The following DTNA variants were observed in gnomAD, a reference collection of about 807,000 sequenced individuals.
DTNA encodes dystrobrevin alpha, also known as dystrophin-related protein 3.
In DTNA, 43 loss-of-function variants were observed where a neutral mutation model predicts 100.7. The ratio of observed to expected loss-of-function variants is 0.43; its 90% CI spans 0.33 to 0.55. DTNA has a LOEUF of 0.55. Among genes scored for constraint, DTNA ranks in the 20% least tolerant of loss-of-function variants. The pLI is 0.04. For synonymous variants in DTNA, 349 were observed against 347.9 expected (o/e 1.00, Z -0.04); for missense variants, 798 against 953.9 (o/e 0.84, Z 2.15).
chr18:34,826,764 AC>A (rs780542691), intron 9 of DTNA, among the ~76,000 whole-genome samples: 2 of 152,074 alleles, frequency 1.3e-5, no homozygotes, highest in African/African-American at 2.4e-5. Flanking sequence ...CCTATATTGA[AC>A]CTAAAAAAGG....
At chr18:34,775,377 T>C (rs950686639) in intron 3 of DTNA, among the ~76,000 whole-genome samples, 1 of 151,996 alleles carries the variant, frequency 6.6e-6, no homozygotes, top group Non-Finnish European at 1.5e-5. Context: ...TCCCAGCTAC[T>C]CAGGAGGCTG....
intron 2 of DTNA, among the ~76,000 whole-genome samples, chr18:34,759,548 T>C (rs962051691): frequency 3.3e-5 from 5 of 152,162 alleles, no homozygotes; most frequent in African/African-American, 1.2e-4. Context: ...TTTGAGAACA[T>C]TGAAGGCTGC....
At chr18:34,821,295 C>G (rs2095710327) in intron 9 of DTNA, among the ~76,000 whole-genome samples, 1 of 152,086 alleles carries the variant, frequency 6.6e-6, no homozygotes, top group Non-Finnish European at 1.5e-5. Context: ...AATATAAAAG[C>G]TGTTTGTTTT....
At chr18:34,780,266 C>T (rs996949617) in intron 3 of DTNA, among the ~76,000 whole-genome samples, 3 of 152,138 alleles carry the variant, frequency 2.0e-5, no homozygotes, top group Admixed American at 6.6e-5. Flanking sequence ...TAAGTGGCTT[C>T]CCTTGGGTAA....
chr18:34,868,817 A>G, intron 17 of DTNA: 2 of 944,896 alleles, frequency 2.1e-6, no homozygotes, highest in Non-Finnish European at 2.5e-6. Flanking sequence ...CTTGAATTGA[A>G]GTTATCCTAC....
chr18:34,785,911 G>A (rs2094493084), intron 3 of DTNA, among the ~76,000 whole-genome samples: 1 of 152,160 alleles, frequency 6.6e-6, no homozygotes, highest in Non-Finnish European at 1.5e-5. Context: ...TTGTATGAGA[G>A]AAGTTATAAG....
At chr18:34,779,643 T>C (rs2094225652) in intron 3 of DTNA, among the ~76,000 whole-genome samples, 1 of 152,190 alleles carries the variant, frequency 6.6e-6, no homozygotes, top group Non-Finnish European at 1.5e-5. Context: ...TAAAGGATTC[T>C]CCCTTTCTTC....
At chr18:34,882,011 C>T (rs2096878136) in intron 20 of DTNA, 58 bp from the exon 21 acceptor site, 2 of 1,612,520 alleles carry the variant, frequency 1.2e-6, no homozygotes, top group African/African-American at 1.3e-5. Context: ...CACATGAATC[C>T]CGCTTGTAAT....
At chr18:34,663,523 T>C (rs1265780010) in intron 1 of DTNA, among the ~76,000 whole-genome samples, 1 of 152,154 alleles carries the variant, frequency 6.6e-6, no homozygotes, top group Non-Finnish European at 1.5e-5. Context: ...TTGAAATATG[T>C]TGAGGTGCGG....
At chr18:34,494,981 C>A (rs2039028721) in intron 1 of DTNA, among the ~76,000 whole-genome samples, 1 of 151,760 alleles carries the variant, frequency 6.6e-6, no homozygotes, top group African/African-American at 2.4e-5. Context: ...TAGATTTATT[C>A]ACTGTCTTAA....
chr18:34,495,287 G>C (rs2039063957), intron 1 of DTNA, among the ~76,000 whole-genome samples: 1 of 152,010 alleles, frequency 6.6e-6, no homozygotes, highest in Admixed American at 6.6e-5. Flanking sequence ...GGCAAATAAC[G>C]TTTGAGTAGT....
In DTNA at chr18:34,887,971, T is replaced by C. The variant is rs2096937778; in HGVS notation, c.*237T>C. On this transcript the variant is annotated 3_prime_UTR_variant, in exon 23 of 23. Coordinates refer to ENST00000444659, the MANE Select transcript of DTNA (RefSeq NM_001386795.1). Reference sequence around the variant, plus strand: ...TGCAGCTAACTTTTTGTTCTCAGATTTGTAGTGCATAGGTGTGTGTTTCAA... The same window carrying C: ...TGCAGCTAACTTTTTGTTCTCAGATCTGTAGTGCATAGGTGTGTGTTTCAA... 2.0e-6 allele frequency: 2 copies of C among 985,812 alleles called. No homozygotes were observed. Among genetic ancestry groups the C allele is most frequent in the South Asian group, 9.4e-5 (2 of 21,290 alleles). The allele number at this position is 985,812 out of a possible 1,614,324, so 61.1% of individuals were successfully genotyped here.
At chr18:34,591,934 G>A (rs574712998) in intron 1 of DTNA, among the ~76,000 whole-genome samples, 1 of 152,206 alleles carries the variant, frequency 6.6e-6, no homozygotes, top group South Asian at 2.1e-4. Context: ...TTCTTAAGAT[G>A]GTATTGCCCT....
chr18:34,671,125 C>T (rs578163778), intron 1 of DTNA, among the ~76,000 whole-genome samples: 7 of 152,294 alleles, frequency 4.6e-5, no homozygotes, highest in African/African-American at 1.7e-4. Context: ...TCAGCAATGG[C>T]GGGCACCCCT....
intron 1 of DTNA, among the ~76,000 whole-genome samples, chr18:34,679,948 T>C (rs1210508384): frequency 6.6e-6 from 1 of 152,160 alleles, no homozygotes; most frequent in Non-Finnish European, 1.5e-5. Flanking sequence ...TTGTAAAATA[T>C]AAAATGTATT....
At chr18:34,757,526 C>A (rs2092862028) in intron 2 of DTNA, among the ~76,000 whole-genome samples, 1 of 152,100 alleles carries the variant, frequency 6.6e-6, no homozygotes, top group South Asian at 2.1e-4. Context: ...ACTGTAAGAA[C>A]TATAAAAGTA....
chr18:34,792,332 C>T (rs951359447), intron 3 of DTNA, among the ~76,000 whole-genome samples: 4 of 152,168 alleles, frequency 2.6e-5, no homozygotes, highest in Non-Finnish European at 4.4e-5. Context: ...GGCTAGTTGG[C>T]TCATTTGTTA....
intron 1 of DTNA, among the ~76,000 whole-genome samples, chr18:34,503,737 T>C (rs1281158039): frequency 6.6e-6 from 1 of 152,098 alleles, no homozygotes; most frequent in African/African-American, 2.4e-5. Context: ...TTCACTGTTT[T>C]TTTTTTCCTA....
chr18:34,730,104 G>GGATGTAC (rs2087733814), intron 1 of DTNA, among the ~76,000 whole-genome samples: 1 of 152,184 alleles, frequency 6.6e-6, no homozygotes. Flanking sequence ...GAAGCCTACA[G>GGATGTAC]GATGTACGAG....
Sources: allele counts gnomAD v4.1 joint callset (sites outside exome capture counted in the v4.1 genomes callset), GRCh38; gene constraint gnomAD v4.1.1; transcripts MANE v1.5; gene names NCBI Gene and HGNC (gene_info 2026-07-23, HGNC 2026-07-21).